The following HIVEP3 variants were observed in gnomAD, a reference collection of about 807,000 sequenced individuals.
HIVEP3 encodes transcription factor HIVEP3.
HIVEP3 carries 49 observed loss-of-function variants against 152.8 expected under a neutral mutation model. That is an observed-to-expected ratio of 0.32 (90% CI 0.26 to 0.41). HIVEP3 has a LOEUF of 0.41. HIVEP3 is among the 10% of genes least tolerant of loss of function. HIVEP3 has a pLI of 1.00. For missense variants in HIVEP3, 2,790 were observed against 3,103.3 expected, an observed-to-expected ratio of 0.90 and a Z score of 2.40; for synonymous variants, 1,269 against 1,289.0, an observed-to-expected ratio of 0.98 and a Z score of 0.33.
intron 1 of HIVEP3, among the ~76,000 whole-genome samples, chr1:41,788,829 A>C (rs1040945385): frequency 6.6e-6 from 1 of 152,172 alleles, no homozygotes; most frequent in East Asian, 1.9e-4. Context: ...CAGCTCCAAG[A>C]CCTTCTCAAC....
chr1:41,618,564 G>A (rs1645002040), intron 3 of HIVEP3, among the ~76,000 whole-genome samples: 1 of 152,094 alleles, frequency 6.6e-6, no homozygotes, highest in African/African-American at 2.4e-5. Flanking sequence ...GCAACCCTTT[G>A]CCTGGGTGCC....
intron 1 of HIVEP3, among the ~76,000 whole-genome samples, chr1:41,980,376 A>C (rs970017468): frequency 1.3e-5 from 2 of 152,258 alleles, no homozygotes; most frequent in African/African-American, 2.4e-5. Flanking sequence ...AGTAGGTAGT[A>C]TAATGAAACA....
At chr1:41,879,188 G>T (rs1307237339) in intron 1 of HIVEP3, among the ~76,000 whole-genome samples, 1 of 152,192 alleles carries the variant, frequency 6.6e-6, no homozygotes, top group Non-Finnish European at 1.5e-5. Context: ...CATTGCAGGG[G>T]ACTTGCAGGA....
chr1:41,923,582 T>C (rs1644952266), upstream of HIVEP3, among the ~76,000 whole-genome samples: 1 of 152,300 alleles, frequency 6.6e-6, no homozygotes, highest in South Asian at 2.1e-4. Flanking sequence ...CTGTACAGCA[T>C]GGTGACTACA....
At chr1:41,591,930 C>T (rs1256125331) in intron 3 of HIVEP3, among the ~76,000 whole-genome samples, 2 of 152,062 alleles carry the variant, frequency 1.3e-5, no homozygotes, top group African/African-American at 4.8e-5. Context: ...AAACTAAAGA[C>T]ATTTCTGAGT....
At chr1:41,569,277 G>GATTAGTATTAAA (rs1644217114) in intron 5 of HIVEP3, among the ~76,000 whole-genome samples, 1 of 152,154 alleles carries the variant, frequency 6.6e-6, no homozygotes. Flanking sequence ...GAGATATAAA[G>GATTAGTATTAAA]CAAGTGTGGG....
chr1:41,792,984 T>C (rs1261900431), intron 1 of HIVEP3, among the ~76,000 whole-genome samples: 3 of 152,176 alleles, frequency 2.0e-5, no homozygotes, highest in Admixed American at 2.0e-4. Flanking sequence ...TGGATTCTGC[T>C]CTTTCCAATG....
At position 41,707,361 on chromosome 1, in the gene HIVEP3, G is replaced by T. The variant is rs371947403; in HGVS notation, c.-800-6366C>A. ...ACCACGAGGGCAATGACAAGATTTC[G>T]TTGTGAAAATTAAAAAGTGCGACTT... On this transcript the variant is annotated intron_variant, in intron 1 of 8. Coordinates refer to ENST00000372583, the MANE Select transcript of HIVEP3 (RefSeq NM_024503.5). 3.4e-4 allele frequency among the ~76,000 whole-genome samples: 52 copies of T among 152,336 alleles called. No homozygotes were observed. The East Asian group carries it at 7.9e-3, about 23-fold the overall frequency.
intron 1 of HIVEP3, among the ~76,000 whole-genome samples, chr1:41,843,180 C>T (rs1007768753): frequency 1.3e-5 from 2 of 152,018 alleles, no homozygotes; most frequent in African/African-American, 2.4e-5. Flanking sequence ...ACGGCATATG[C>T]GCCTTCCCAG....
At chr1:41,872,027 T>C (rs1030987361) in intron 1 of HIVEP3, among the ~76,000 whole-genome samples, 3 of 152,208 alleles carry the variant, frequency 2.0e-5, no homozygotes, top group Non-Finnish European at 4.4e-5. Flanking sequence ...TTTTGACAAA[T>C]GTATATACCC....
intron 1 of HIVEP3, among the ~76,000 whole-genome samples, chr1:41,980,224 G>A (rs1044331093): frequency 6.6e-5 from 10 of 152,170 alleles, no homozygotes; most frequent in Middle Eastern, 3.4e-3. Context: ...TAAGAGAAAC[G>A]AAAAAATATG....
intron 1 of HIVEP3, among the ~76,000 whole-genome samples, chr1:41,795,724 G>A (rs902691282): frequency 1.3e-4 from 20 of 151,942 alleles, no homozygotes; most frequent in Non-Finnish European, 2.5e-4. Flanking sequence ...TATTTATTTC[G>A]GTGCTCAAAT....
chr1:41,964,706 C>A (rs965458043), intron 1 of HIVEP3, among the ~76,000 whole-genome samples: 1 of 152,214 alleles, frequency 6.6e-6, no homozygotes, highest in Non-Finnish European at 1.5e-5. Flanking sequence ...TTCCTCCTCA[C>A]CAGGCCAGAA....
At chr1:41,526,685 ACACT>A (rs1642945402) in intron 5 of HIVEP3, among the ~76,000 whole-genome samples, 1 of 24,020 alleles carries the variant, frequency 4.2e-5, no homozygotes, top group Non-Finnish European at 7.9e-5. Context: ...TCGCACCCCC[ACACT>A]CACCCTCACG....
At chr1:41,527,205 CA>C (rs1642991162) in intron 5 of HIVEP3, among the ~76,000 whole-genome samples, 1 of 126,080 alleles carries the variant, frequency 7.9e-6, no homozygotes, top group Non-Finnish European at 1.7e-5. Context: ...CACTCCCACA[CA>C]TGCTCACCCT....
chr1:41,811,858 C>T (rs1048620348), intron 1 of HIVEP3, among the ~76,000 whole-genome samples: 2 of 151,914 alleles, frequency 1.3e-5, no homozygotes, highest in Admixed American at 6.6e-5. Context: ...TAACTCCATA[C>T]AATTAATATA....
chr1:41,858,847 G>C (rs1643842088), intron 1 of HIVEP3, among the ~76,000 whole-genome samples: 1 of 152,174 alleles, frequency 6.6e-6, no homozygotes, highest in African/African-American at 2.4e-5. Context: ...ATGAGGAGGG[G>C]GTCTAGTGGG....
intron 1 of HIVEP3, among the ~76,000 whole-genome samples, chr1:41,750,520 C>T (rs1039389122): frequency 1.3e-5 from 2 of 152,132 alleles, no homozygotes; most frequent in Non-Finnish European, 2.9e-5. Context: ...TGGGCCTTGG[C>T]ATTTCCAGGT....
chr1:41,690,747 G>C (rs1166725258), intron 2 of HIVEP3, among the ~76,000 whole-genome samples: 2 of 152,118 alleles, frequency 1.3e-5, no homozygotes, highest in African/African-American at 4.8e-5. Context: ...GTGAAACGCT[G>C]TCTCTACTAA....
Sources: allele counts gnomAD v4.1 joint callset (sites outside exome capture counted in the v4.1 genomes callset), GRCh38; gene constraint gnomAD v4.1.1; transcripts MANE v1.5; gene names NCBI Gene and HGNC (gene_info 2026-07-23, HGNC 2026-07-21).